PACC1: variants seen among roughly 807,000 people sequenced by gnomAD.
The protein encoded by PACC1 is proton activated chloride channel 1.
In PACC1, 34 loss-of-function variants were observed where a neutral mutation model predicts 39.7. That is an observed-to-expected ratio of 0.86 (90% CI 0.65 to 1.14). PACC1 has a LOEUF of 1.14. Among genes scored for constraint, PACC1 ranks in the 50% most tolerant of loss-of-function variants. The probability of loss-of-function intolerance (pLI) is 0.00; values close to 1 mark genes in which losing one functional copy is unlikely to be tolerated. For synonymous variants in PACC1, 127 were observed against 160.6 expected, an observed-to-expected ratio of 0.79 and a Z score of 1.58; for missense variants, 379 against 436.4, an observed-to-expected ratio of 0.87 and a Z score of 1.17.
intron 1 of PACC1, among the ~76,000 whole-genome samples, 187 bp downstream of exon 1, chr1:212,414,535 C>A (rs565900704): frequency 2.0e-4 from 31 of 152,310 alleles, no homozygotes; most frequent in Admixed American, 4.6e-4. Flanking sequence ...CGCTCCGCTG[C>A]CCCGCTTCCT....
At position 212,391,081 on chromosome 1, in the gene PACC1, T is replaced by C. The variant is rs553780270; in HGVS notation, c.134-3981A>G. 2.3e-3 allele frequency among the ~76,000 whole-genome samples: 355 copies of C among 152,334 alleles called. 4 individuals carry two copies. The highest frequency in any genetic ancestry group is 8.2e-3 in the African/African-American group (340 of 41,572). ...ATTTAAATGTCCCTGTCTGACAGCT[T>C]TGAAGAGAGTAGTGGTTCTCCTAGC... On this transcript the variant is annotated intron_variant, in intron 2 of 7. Coordinates refer to ENST00000261455, the MANE Select transcript of PACC1 (RefSeq NM_018252.3).
intron 2 of PACC1, among the ~76,000 whole-genome samples, chr1:212,404,803 C>G (rs1305536270): frequency 2.6e-5 from 4 of 151,272 alleles, no homozygotes; most frequent in African/African-American, 7.3e-5. Flanking sequence ...GAATCTTGCT[C>G]TATCACCCAG....
chr1:212,413,092 C>T (rs1296046787), intron 1 of PACC1, among the ~76,000 whole-genome samples: 1 of 152,176 alleles, frequency 6.6e-6, no homozygotes, highest in Non-Finnish European at 1.5e-5. Context: ...CATCTCATTC[C>T]CCAGGATTCC....
rs1474080728 is a variant in PACC1 at position 212,365,246 on chromosome 1, CTT to C, written c.1020_1021del (p.Arg341LysfsTer17). ...TATGTGGCTCGTTGCCTGACCTCTT[CTT>C]TTAAGGTATCTCTTTCTAATTTTGA... On this transcript the variant is annotated frameshift_variant, in exon 8 of 8. Transcript: ENST00000261455. LOFTEE classifies it high-confidence loss of function. 1.2e-6 allele frequency: 2 copies of C among 1,613,900 alleles called. No homozygotes were observed. The highest frequency in any genetic ancestry group is 1.7e-6 in the Non-Finnish European group (2 of 1,179,954).
At chr1:212,394,051 A>T (rs939524669) in intron 2 of PACC1, among the ~76,000 whole-genome samples, 7 of 152,224 alleles carry the variant, frequency 4.6e-5, no homozygotes, top group East Asian at 1.9e-4. Flanking sequence ...TATTCCAATC[A>T]ATAGAAAAAG....
intron 2 of PACC1, among the ~76,000 whole-genome samples, chr1:212,400,050 T>A (rs938274542): frequency 7.9e-5 from 12 of 151,648 alleles, no homozygotes; most frequent in African/African-American, 2.9e-4. Flanking sequence ...TTCACCATGT[T>A]AGCCAGGCTG....
intron 2 of PACC1, among the ~76,000 whole-genome samples, chr1:212,392,349 T>C (rs1429555569): frequency 6.6e-6 from 1 of 152,096 alleles, no homozygotes; most frequent in Admixed American, 6.6e-5. Context: ...CTAAGCTTCA[T>C]AAGTGAAGGA....
At chr1:212,394,528 G>C (rs534988864) in intron 2 of PACC1, among the ~76,000 whole-genome samples, 5 of 152,266 alleles carry the variant, frequency 3.3e-5, no homozygotes, top group Admixed American at 6.5e-5. Flanking sequence ...ACTGGCACAA[G>C]ACAGGGATGC....
intron 7 of PACC1, among the ~76,000 whole-genome samples, chr1:212,372,741 AAAG>A (rs1299668553): frequency 6.6e-6 from 1 of 152,186 alleles, no homozygotes; most frequent in Non-Finnish European, 1.5e-5. Context: ...ATAAAATAAA[AAAG>A]AGAGCAATCC....
chr1:212,410,934 C>T lies in PACC1; in HGVS notation c.37-413G>A, dbSNP rs554602864. ...TCGTTGGCTCGTAGAGGCATCCAATCTCCACTCTCCGCTGCCATCTTTACA... is the reference window on the plus strand; with the variant it reads ...TCGTTGGCTCGTAGAGGCATCCAATTTCCACTCTCCGCTGCCATCTTTACA... On this transcript the variant is annotated intron_variant, in intron 1 of 7. Transcript: ENST00000261455. Among the ~76,000 whole-genome samples, 3 of 152,314 alleles carry T rather than the reference C, an allele frequency of 2.0e-5. No individual in the cohort carries two copies. The South Asian group carries it at 6.2e-4, about 32-fold the overall frequency.
At chr1:212,367,974 T>A (rs1660303705) in intron 7 of PACC1, among the ~76,000 whole-genome samples, 1 of 152,010 alleles carries the variant, frequency 6.6e-6, no homozygotes, top group Non-Finnish European at 1.5e-5. Flanking sequence ...GTGCCAGCTG[T>A]GACAGCCATG....
chr1:212,414,816 A>C lies in PACC1; in HGVS notation c.-59T>G. 6.2e-7 allele frequency: 1 copy of C among 1,601,594 alleles called. No individual in the cohort carries two copies. ...GCCCCAGCCCGCGGCGCACGGACGC[A>C]GCACTGCGGCCGCTGCACCTGGACC... On this transcript the variant is annotated 5_prime_UTR_variant, in exon 1 of 8. Coordinates refer to ENST00000261455, the MANE Select transcript of PACC1 (RefSeq NM_018252.3).
chr1:212,412,493 C>T (rs1203907468), intron 1 of PACC1, among the ~76,000 whole-genome samples: 1 of 152,178 alleles, frequency 6.6e-6, no homozygotes, highest in Non-Finnish European at 1.5e-5. Context: ...TAGGTACACT[C>T]ACAGAATGGT....
At chr1:212,365,505 A>G in intron 7 of PACC1, 129 bp from the exon 8 acceptor site, 1 of 967,764 alleles carries the variant, frequency 1.0e-6, no homozygotes. Flanking sequence ...ATCTCGGCTC[A>G]GTGCAAGCTC....
chr1:212,385,486 A>C, intron 3 of PACC1, 61 bp from the exon 4 acceptor site: 4 of 1,571,870 alleles, frequency 2.5e-6, no homozygotes, highest in Non-Finnish European at 2.6e-6. Context: ...CATCCCTGAA[A>C]TCATCTCACA....
At chr1:212,371,300 A>T (rs1660449523) in intron 7 of PACC1, among the ~76,000 whole-genome samples, 1 of 149,000 alleles carries the variant, frequency 6.7e-6, no homozygotes, top group Admixed American at 6.7e-5. Context: ...ACAAAATCTA[A>T]GTTAAACAAA....
chr1:212,368,254 C>T lies in PACC1; in HGVS notation c.892-2878G>A, dbSNP rs574111177. Among the ~76,000 whole-genome samples the T allele has an allele frequency of 3.3e-5, 5 of 152,272 alleles. 1 individual carries two copies. Among genetic ancestry groups the T allele is most frequent in the African/African-American group, 1.2e-4 (5 of 41,550 alleles). ...AGTCACCTTTCAATTTGTAGAAAAT[C>T]TCCTGAAGATAGATGGGTATAAACA... On this transcript the variant is annotated intron_variant, in intron 7 of 7. Coordinates refer to ENST00000261455, the MANE Select transcript of PACC1 (RefSeq NM_018252.3).
At chr1:212,393,137 T>C (rs2102513543) in intron 2 of PACC1, among the ~76,000 whole-genome samples, 1 of 152,320 alleles carries the variant, frequency 6.6e-6, no homozygotes, top group African/African-American at 2.4e-5. Flanking sequence ...ATATACATTC[T>C]TCTCAGCACC....
At chr1:212,365,870 T>G (rs1405171668) in intron 7 of PACC1, among the ~76,000 whole-genome samples, 2 of 152,216 alleles carry the variant, frequency 1.3e-5, no homozygotes, top group Non-Finnish European at 2.9e-5. Flanking sequence ...TGACCTTGCT[T>G]TGAGATGAAT....
Sources: allele counts gnomAD v4.1 joint callset (sites outside exome capture counted in the v4.1 genomes callset), GRCh38; gene constraint gnomAD v4.1.1; transcripts MANE v1.5; gene names NCBI Gene and HGNC (gene_info 2026-07-23, HGNC 2026-07-21).